The following KCNH7 variants were observed in gnomAD, a reference collection of about 807,000 sequenced individuals.
The protein encoded by KCNH7 is voltage-gated inwardly rectifying potassium channel KCNH7.
KCNH7 carries 49 observed loss-of-function variants against 120.8 expected under a neutral mutation model. The observed-to-expected ratio is 0.41, with a 90% CI of 0.32 to 0.51. The LOEUF is 0.51. Ranked by LOEUF, KCNH7 falls within the 20% of genes least tolerant of loss-of-function variation. The probability of loss-of-function intolerance (pLI) is 0.38; values close to 1 mark genes in which losing one functional copy is unlikely to be tolerated. For missense variants in KCNH7, 1,097 were observed against 1,446.6 expected (o/e 0.76, Z 3.92); for synonymous variants, 547 against 516.1 (o/e 1.06, Z -0.81).
chr2:162,832,603 A>T (rs1463110119), intron 2 of KCNH7, among the ~76,000 whole-genome samples: 2 of 152,112 alleles, frequency 1.3e-5, no homozygotes, highest in Non-Finnish European at 2.9e-5. Context: ...GATTTAGAGG[A>T]TGGAAATGAA....
chr2:162,579,852 G>A (rs1693814075), intron 2 of KCNH7, among the ~76,000 whole-genome samples: 1 of 151,976 alleles, frequency 6.6e-6, no homozygotes, highest in Non-Finnish European at 1.5e-5. Context: ...TGGAACTGTG[G>A]GGATGAAGAG....
At chr2:162,421,999 G>A (rs376762226) in intron 9 of KCNH7, among the ~76,000 whole-genome samples, 19 of 152,218 alleles carry the variant, frequency 1.2e-4, no homozygotes, top group Middle Eastern at 3.4e-3. Flanking sequence ...AATAGTGATG[G>A]AAATATAGAA....
chr2:162,700,987 G>A (rs1374630919), intron 2 of KCNH7, among the ~76,000 whole-genome samples: 1 of 152,132 alleles, frequency 6.6e-6, no homozygotes, highest in Non-Finnish European at 1.5e-5. Flanking sequence ...ATATGCCAGG[G>A]CACTGGTTTC....
In KCNH7 at chr2:162,620,151, G is replaced by GATAT. The variant is rs72479668; in HGVS notation, c.308-83075_308-83072dup. On this transcript the variant is annotated intron_variant, in intron 2 of 15. Transcript: ENST00000332142. ...ATCTACCAATGGGTAGAGAAATATA[G>GATAT]ATATATATATAGAGAGAGAGATAGA... Among the ~76,000 whole-genome samples, 117 of 135,624 alleles carry GATAT rather than the reference G, an allele frequency of 8.6e-4. 1 individual carries two copies. Among genetic ancestry groups the GATAT allele is most frequent in the Admixed American group, 4.2e-3 (55 of 13,246 alleles). The allele number at this position is 135,624 out of a possible 152,430, so 89.0% of individuals were successfully genotyped here. A position where few individuals can be genotyped will look rare whatever the true frequency, so the allele number is the denominator to read the frequency against.
chr2:162,589,784 C>A (rs568364093), intron 2 of KCNH7, among the ~76,000 whole-genome samples: 3 of 152,176 alleles, frequency 2.0e-5, no homozygotes, highest in South Asian at 2.1e-4. Context: ...AGATTTTATA[C>A]TTGGGTGGCT....
intron 2 of KCNH7, among the ~76,000 whole-genome samples, chr2:162,670,954 A>T (rs1479985264): frequency 6.8e-6 from 1 of 148,126 alleles, no homozygotes; most frequent in African/African-American, 2.5e-5. Context: ...TAAGTGGCCA[A>T]GAAACATATG....
At chr2:162,803,043 T>A in intron 2 of KCNH7, among the ~76,000 whole-genome samples, 1 of 151,698 alleles carries the variant, frequency 6.6e-6, no homozygotes, top group Admixed American at 6.6e-5. Context: ...TCCATTTCTT[T>A]TGTCCGGAGG....
At position 162,762,321 on chromosome 2, in the gene KCNH7, G is replaced by C. The variant is rs75722274; in HGVS notation, c.307+74216C>G. On this transcript the variant is annotated intron_variant, in intron 2 of 15. Coordinates refer to ENST00000332142, the MANE Select transcript of KCNH7 (RefSeq NM_033272.4). ...TATATATATATACATATAGGCTTTT[G>C]TTATAACATCTTGTCAGCAAATAAC... 0.041 allele frequency among the ~76,000 whole-genome samples: 6,253 copies of C among 151,270 alleles called. 558 individuals carry two copies. In the East Asian group the frequency reaches 0.41, roughly 10 times the overall value.
intron 2 of KCNH7, among the ~76,000 whole-genome samples, chr2:162,629,610 T>C (rs1683691307): frequency 6.6e-6 from 1 of 152,118 alleles, no homozygotes; most frequent in Non-Finnish European, 1.5e-5. Context: ...CTGGGTTTAA[T>C]ATGAATGGTG....
At chr2:162,619,176 C>T (rs1240106648) in intron 2 of KCNH7, among the ~76,000 whole-genome samples, 3 of 152,058 alleles carry the variant, frequency 2.0e-5, no homozygotes, top group Non-Finnish European at 4.4e-5. Flanking sequence ...CGTGGAAATG[C>T]ATGGTTACTA....
intron 2 of KCNH7, among the ~76,000 whole-genome samples, chr2:162,654,689 C>T (rs1464386069): frequency 1.3e-5 from 2 of 152,074 alleles, no homozygotes; most frequent in Non-Finnish European, 2.9e-5. Flanking sequence ...AAACAGATAT[C>T]TGCACTCCCT....
chr2:162,819,080 C>A (rs1685012507), intron 2 of KCNH7, among the ~76,000 whole-genome samples: 1 of 152,050 alleles, frequency 6.6e-6, no homozygotes, highest in African/African-American at 2.4e-5. Context: ...CATAAGTAAT[C>A]CAGATTAAAG....
At chr2:162,565,299 T>G (rs917150144) in intron 2 of KCNH7, among the ~76,000 whole-genome samples, 1 of 152,036 alleles carries the variant, frequency 6.6e-6, no homozygotes, top group Admixed American at 6.6e-5. Context: ...ACAATGCAAA[T>G]ACAGTATTTT....
chr2:162,725,600 T>C (rs1220087168), intron 2 of KCNH7, among the ~76,000 whole-genome samples: 4 of 152,332 alleles, frequency 2.6e-5, no homozygotes, highest in African/African-American at 9.6e-5. Flanking sequence ...TGGGAAGTTA[T>C]TCATGAACAA....
intron 2 of KCNH7, among the ~76,000 whole-genome samples, chr2:162,685,400 A>T (rs1253656570): frequency 2.0e-5 from 3 of 152,092 alleles, no homozygotes; most frequent in Non-Finnish European, 2.9e-5. Flanking sequence ...TATACTTAAG[A>T]GATAACCTGT....
intron 2 of KCNH7, among the ~76,000 whole-genome samples, chr2:162,735,382 T>C (rs1297986885): frequency 2.6e-5 from 4 of 152,178 alleles, no homozygotes; most frequent in Admixed American, 1.3e-4. Flanking sequence ...AGAATAAGCA[T>C]AGTTAAAAAA....
intron 6 of KCNH7, among the ~76,000 whole-genome samples, chr2:162,479,432 A>G (rs1689851970): frequency 6.6e-6 from 1 of 152,206 alleles, no homozygotes; most frequent in Non-Finnish European, 1.5e-5. Context: ...AGAACAAATG[A>G]TCAGTACCCA....
chr2:162,415,361 A>G (rs559392701), intron 9 of KCNH7, among the ~76,000 whole-genome samples: 1 of 152,228 alleles, frequency 6.6e-6, no homozygotes, highest in South Asian at 2.1e-4. Flanking sequence ...TCCCAATTTA[A>G]AAACAAATTC....
rs79940973 is a variant in KCNH7, at chr2:162,798,987, T to A, written c.307+37550A>T. The stretch of plus-strand genomic sequence containing the variant: ...TACATTTTGGATTGGCTAATTACTG[T>A]GCAACACTTCTAGACAAACTCTAAA... On this transcript the variant is annotated intron_variant, in intron 2 of 15. Transcript: ENST00000332142. Among the ~76,000 whole-genome samples, 241 of 152,112 alleles carry A rather than the reference T, an allele frequency of 1.6e-3. 7 individuals carry two copies. The East Asian group carries it at 0.027, about 17-fold the overall frequency.
Sources: allele counts gnomAD v4.1 joint callset (sites outside exome capture counted in the v4.1 genomes callset), GRCh38; gene constraint gnomAD v4.1.1; transcripts MANE v1.5; gene names NCBI Gene and HGNC (gene_info 2026-07-23, HGNC 2026-07-21).